DOCK3: variants seen among roughly 807,000 people sequenced by gnomAD.
The protein encoded by DOCK3 is dedicator of cytokinesis protein 3.
Under a neutral mutation model 265.6 loss-of-function variants are expected in DOCK3, and 60 were observed. The observed-to-expected ratio is 0.23, with a 90% CI of 0.18 to 0.28. The LOEUF (loss-of-function observed/expected upper bound fraction) is 0.28. DOCK3 is among the 10% of genes least tolerant of loss of function. DOCK3 has a pLI of 1.00. For missense variants in DOCK3, 1,981 were observed against 2,594.3 expected (o/e 0.76, Z 5.14); for synonymous variants, 881 against 938.0 (o/e 0.94, Z 1.11).
At chr3:50,763,695 TA>T (rs2040675066) in intron 1 of DOCK3, among the ~76,000 whole-genome samples, 1 of 152,216 alleles carries the variant, frequency 6.6e-6, no homozygotes, top group African/African-American at 2.4e-5. Context: ...TTCTTTTTAA[TA>T]TTTTTTATTT....
intron 1 of DOCK3, among the ~76,000 whole-genome samples, chr3:50,683,179 G>C (rs1301533340): frequency 6.6e-6 from 1 of 152,158 alleles, no homozygotes. Context: ...TATATGAACT[G>C]AAGTCAAGCT....
At chr3:50,697,644 C>T (rs535161189) in intron 1 of DOCK3, among the ~76,000 whole-genome samples, 1 of 152,276 alleles carries the variant, frequency 6.6e-6, no homozygotes, top group African/African-American at 2.4e-5. Flanking sequence ...CCGGGCACAA[C>T]CTTAGCCTCT....
chr3:50,788,204 G>A (rs140406358), intron 2 of DOCK3: 17,405 of 765,322 alleles, frequency 0.023, 234 homozygotes, highest in Middle Eastern at 0.056. Flanking sequence ...TGCCCATGAC[G>A]GCTATCATCT....
At chr3:51,379,958 G>A (rs1364529114) in intron 51 of DOCK3, among the ~76,000 whole-genome samples, 167 bp from the exon 52 acceptor site, 1 of 152,210 alleles carries the variant, frequency 6.6e-6, no homozygotes, top group Non-Finnish European at 1.5e-5. Context: ...CCAGCAGCCT[G>A]TGTTTTGGAG....
chr3:51,345,699 G>T (rs1397914547), intron 38 of DOCK3, among the ~76,000 whole-genome samples: 1 of 152,112 alleles, frequency 6.6e-6, no homozygotes, highest in Non-Finnish European at 1.5e-5. Flanking sequence ...GTTTGTTTTA[G>T]TCTTTTTAAT....
intron 6 of DOCK3, among the ~76,000 whole-genome samples, chr3:51,068,430 C>G (rs981528575): frequency 2.0e-5 from 3 of 150,360 alleles, no homozygotes; most frequent in Non-Finnish European, 3.0e-5. Flanking sequence ...GTCCCAGCTA[C>G]TCGGGAGGGT....
At chr3:51,301,301 T>C (rs1012352778) in intron 27 of DOCK3, among the ~76,000 whole-genome samples, 1 of 152,140 alleles carries the variant, frequency 6.6e-6, no homozygotes. Context: ...TTTTCTTCTT[T>C]ATTAATCTAG....
At chr3:51,171,583 G>A (rs2086683523) in intron 12 of DOCK3, among the ~76,000 whole-genome samples, 1 of 151,892 alleles carries the variant, frequency 6.6e-6, no homozygotes, top group South Asian at 2.1e-4. Context: ...GGAGTGTGGT[G>A]GTGGGCACCT....
intron 7 of DOCK3, among the ~76,000 whole-genome samples, chr3:51,078,368 A>G (rs1161402044): frequency 3.9e-5 from 6 of 152,332 alleles, no homozygotes; most frequent in Admixed American, 3.9e-4. Flanking sequence ...GGTTCAATTC[A>G]GGAAGCCCAG....
chr3:51,350,167 T>A (rs2085880670), intron 39 of DOCK3, 121 bp from the exon 40 acceptor site: 1 of 821,776 alleles, frequency 1.2e-6, no homozygotes. Context: ...CTCACTTACT[T>A]CTTATCTAGA....
chr3:51,304,210 G>A (rs1560394405), intron 27 of DOCK3, among the ~76,000 whole-genome samples: 1 of 152,146 alleles, frequency 6.6e-6, no homozygotes, highest in Non-Finnish European at 1.5e-5. Flanking sequence ...GCCACAGCCA[G>A]TGTGGCAGTT....
intron 2 of DOCK3, among the ~76,000 whole-genome samples, chr3:50,826,251 T>C (rs747782257): frequency 2.0e-5 from 3 of 152,168 alleles, no homozygotes; most frequent in Non-Finnish European, 4.4e-5. Context: ...ACCTCTGTTA[T>C]ATCTTAGAGC....
intron 27 of DOCK3, among the ~76,000 whole-genome samples, chr3:51,288,515 G>C (rs1221647372): frequency 2.0e-5 from 3 of 152,060 alleles, no homozygotes; most frequent in Non-Finnish European, 4.4e-5. Context: ...TGCTGGGGCA[G>C]TATAATAATC....
chr3:51,283,234 C>G (rs112488314), intron 27 of DOCK3, among the ~76,000 whole-genome samples: 1 of 152,320 alleles, frequency 6.6e-6, no homozygotes, highest in African/African-American at 2.4e-5. Flanking sequence ...GAGAGGCACA[C>G]TCAGGCACAG....
intron 27 of DOCK3, among the ~76,000 whole-genome samples, chr3:51,296,911 G>A (rs1241851564): frequency 6.6e-6 from 1 of 151,770 alleles, no homozygotes; most frequent in Non-Finnish European, 1.5e-5. Context: ...CTGAGGTCAG[G>A]AGTTCGAGAC....
At chr3:51,308,796 TGCCGGGCGGAGGG>T (rs2082863137) in intron 27 of DOCK3, among the ~76,000 whole-genome samples, 1 of 136,280 alleles carries the variant, frequency 7.3e-6, no homozygotes, top group Non-Finnish European at 1.7e-5. Flanking sequence ...TAGGGGCAGC[TGCCGGGCGGAGGG>T]GCTCCTCACT....
chr3:51,228,197 G>A, intron 17 of DOCK3, 109 bp downstream of exon 17: 1 of 1,043,692 alleles, frequency 9.6e-7, no homozygotes. Flanking sequence ...AAGACCAAGG[G>A]AAGTGCACTG....
At chr3:50,979,127 C>A (rs2077596869) in intron 5 of DOCK3, among the ~76,000 whole-genome samples, 1 of 152,156 alleles carries the variant, frequency 6.6e-6, no homozygotes, top group Non-Finnish European at 1.5e-5. Context: ...ACGCTGGGAG[C>A]TGTAGACCGG....
intron 4 of DOCK3, 114 bp from the exon 5 acceptor site, chr3:50,933,867 T>C (rs2051209310): frequency 1.6e-6 from 1 of 641,296 alleles, no homozygotes; most frequent in Non-Finnish European, 2.6e-6. Context: ...ATATACTTCT[T>C]TTTTATTTGC....
Sources: gnomAD v4.1 joint callset for allele counts (sites outside exome capture counted in the v4.1 genomes callset) on GRCh38, gnomAD v4.1.1 for gene constraint, MANE v1.5 for transcripts, NCBI Gene and HGNC (gene_info 2026-07-23, HGNC 2026-07-21) for gene names.